MBP: variants seen among roughly 807,000 people sequenced by gnomAD.
MBP encodes Golli-MBP.
MBP carries 16 observed loss-of-function variants against 35.8 expected under a neutral mutation model. The observed-to-expected ratio is 0.45, with a 90% CI of 0.30 to 0.68. The LOEUF (loss-of-function observed/expected upper bound fraction) is 0.68, where lower values mean the gene tolerates loss of function less well. MBP is among the 30% of genes least tolerant of loss of function. The pLI is 0.08. For missense variants in MBP, 380 were observed against 404.7 expected (o/e 0.94, Z 0.52); for synonymous variants, 143 against 159.6 (o/e 0.90, Z 0.78).
chr18:77,011,800 T>TAGCC, intron 4 of MBP, among the ~76,000 whole-genome samples: 1 of 152,358 alleles, frequency 6.6e-6, no homozygotes, highest in Non-Finnish European at 1.5e-5. Flanking sequence ...AGTGTGCTGA[T>TAGCC]AGCCATAAAG....
intron 1 of MBP, chr18:77,113,957 G>A (rs1418362321): frequency 6.6e-6 from 1 of 152,212 alleles, no homozygotes; most frequent in Non-Finnish European, 1.5e-5. Flanking sequence ...GAGGGACCTA[G>A]GCTCCCGGCA....
chr18:76,991,509 C>A (rs1453393310), intron 4 of MBP, among the ~76,000 whole-genome samples: 1 of 152,146 alleles, frequency 6.6e-6, no homozygotes, highest in East Asian at 1.9e-4. Flanking sequence ...CTGCAAAGGC[C>A]CAACAGCGGT....
At chr18:77,082,070 T>G (rs1036968390) in intron 2 of MBP, among the ~76,000 whole-genome samples, 1 of 151,460 alleles carries the variant, frequency 6.6e-6, no homozygotes, top group Admixed American at 6.6e-5. Flanking sequence ...GCCGGGATGG[T>G]TTCGATCTCC....
In MBP at chr18:76,987,636, G is replaced by A. The variant is rs145857062; in HGVS notation, c.750+859C>T. The A allele has an allele frequency of 8.1e-5, 80 of 985,870 alleles. 1 individual carries two copies. The African/African-American group carries it at 1.2e-3, about 15-fold the overall frequency. 61.1% of individuals were successfully genotyped at this position (985,870 alleles called of 1,614,324 possible). Reference sequence around the variant, plus strand: ...CTTATTAATTGAGCAGAAAGTGTAGGTAGGCTCTGTTCTAGCGTATGAGAG... The same window carrying A: ...CTTATTAATTGAGCAGAAAGTGTAGATAGGCTCTGTTCTAGCGTATGAGAG... On this transcript the variant is annotated intron_variant, in intron 7 of 8. Coordinates refer to ENST00000355994, the MANE Select transcript of MBP (RefSeq NM_001025101.2).
intron 4 of MBP, among the ~76,000 whole-genome samples, chr18:76,991,301 A>G (rs3794854): frequency 0.62 from 94,196 of 152,028 alleles, 32,078 homozygotes; most frequent in Non-Finnish European, 0.77. Context: ...CCAGGTCACT[A>G]GAGATCGCAC....
intron 2 of MBP, among the ~76,000 whole-genome samples, chr18:77,093,751 A>C (rs1296955708): frequency 1.3e-5 from 2 of 152,212 alleles, no homozygotes; most frequent in Non-Finnish European, 2.9e-5. Flanking sequence ...TTCACAAGAA[A>C]TTCCCACGGG....
chr18:77,090,599 G>A (rs1975469485), intron 2 of MBP, among the ~76,000 whole-genome samples: 1 of 152,168 alleles, frequency 6.6e-6, no homozygotes, highest in Non-Finnish European at 1.5e-5. Context: ...ATCTCTCTTA[G>A]ACTCCCGGGT....
chr18:77,098,325 T>C (rs536606306), intron 2 of MBP, among the ~76,000 whole-genome samples: 3 of 152,216 alleles, frequency 2.0e-5, no homozygotes, highest in Non-Finnish European at 4.4e-5. Flanking sequence ...CCATCTTAAG[T>C]AAGCACAGAG....
intron 1 of MBP, among the ~76,000 whole-genome samples, chr18:77,123,655 G>T (rs1299901190): frequency 6.6e-6 from 1 of 152,314 alleles, no homozygotes; most frequent in East Asian, 1.9e-4. Flanking sequence ...CATTTAATTT[G>T]AATTCTCAGT....
intron 3 of MBP, among the ~76,000 whole-genome samples, chr18:77,063,884 A>G (rs1432820331): frequency 7.4e-6 from 1 of 135,398 alleles, no homozygotes; most frequent in African/African-American, 2.9e-5. Flanking sequence ...TGCTGTATAT[A>G]TACCTATACA....
chr18:77,001,254 TG>T (rs1242808886), intron 4 of MBP, among the ~76,000 whole-genome samples: 1 of 152,198 alleles, frequency 6.6e-6, no homozygotes, highest in Non-Finnish European at 1.5e-5. Context: ...GGCTGGGGCT[TG>T]GGGGTTCCTC....
chr18:77,075,203 T>C (rs1974604681), intron 2 of MBP, among the ~76,000 whole-genome samples: 1 of 152,214 alleles, frequency 6.6e-6, no homozygotes, highest in Non-Finnish European at 1.5e-5. Flanking sequence ...ATGGAATCAC[T>C]TTCTGGAGAT....
rs532245112 is a variant in MBP, at chr18:77,121,517, C to T, written c.-26+11063G>A. ...CTTCTGAGTTCTCCCGCCCTGCATA[C>T]ACCCATTTTCAACCACTAGTCTGAA... is the stretch of plus-strand genomic sequence containing the variant. On this transcript the variant is annotated intron_variant, in intron 1 of 8. Coordinates refer to ENST00000355994, the MANE Select transcript of MBP (RefSeq NM_001025101.2). Among the ~76,000 whole-genome samples the T allele has an allele frequency of 9.2e-5, 14 of 152,262 alleles. No homozygotes were observed. The South Asian group carries it at 2.9e-3, about 32-fold the overall frequency.
intron 4 of MBP, chr18:77,015,662 C>T (rs7232502): frequency 0.37 from 364,491 of 985,130 alleles, 67,628 homozygotes; most frequent in East Asian, 0.45. Context: ...CCTGAAACTT[C>T]GATGTGCTTT....
chr18:77,108,195 G>C (rs1976339234), intron 1 of MBP: 1 of 152,346 alleles, frequency 6.6e-6, no homozygotes, highest in East Asian at 1.9e-4. Context: ...CTGTCACGGG[G>C]CTAAGAGCTC....
intron 2 of MBP, among the ~76,000 whole-genome samples, chr18:77,098,761 C>T (rs917977092): frequency 3.3e-5 from 5 of 152,352 alleles, no homozygotes; most frequent in South Asian, 4.1e-4. Flanking sequence ...GGACGTGGGG[C>T]TGGATGCCCT....
intron 2 of MBP, among the ~76,000 whole-genome samples, chr18:77,104,204 C>T (rs1976163289): frequency 6.6e-6 from 1 of 152,184 alleles, no homozygotes; most frequent in Non-Finnish European, 1.5e-5. Flanking sequence ...AGAGGAAAAT[C>T]CTGGCAGCCA....
chr18:77,027,412 A>G (rs1972265222), intron 3 of MBP, among the ~76,000 whole-genome samples: 1 of 152,234 alleles, frequency 6.6e-6, no homozygotes, highest in South Asian at 2.1e-4. Context: ...CCCACCGAGC[A>G]GAGGCTGCAA....
intron 1 of MBP, among the ~76,000 whole-genome samples, chr18:77,123,033 A>C (rs2145228899): frequency 6.6e-6 from 1 of 152,348 alleles, no homozygotes; most frequent in South Asian, 2.1e-4. Context: ...TAAAACTATA[A>C]GCACTTCAAG....
Sources: allele counts gnomAD v4.1 joint callset (sites outside exome capture counted in the v4.1 genomes callset), GRCh38; gene constraint gnomAD v4.1.1; transcripts MANE v1.5; gene names NCBI Gene and HGNC (gene_info 2026-07-23, HGNC 2026-07-21).